Variants in PTDSS2 observed in about 807,000 individuals in gnomAD.
The protein encoded by PTDSS2 is PSS-2.
A neutral mutation model predicts 64.7 loss-of-function variants in PTDSS2; 41 were observed. That is an observed-to-expected ratio of 0.63 (90% CI 0.49 to 0.82). The LOEUF is 0.82. Among genes scored for constraint, PTDSS2 ranks in the 40% least tolerant of loss-of-function variants. PTDSS2 has a pLI of 0.00. For missense variants in PTDSS2, 485 were observed against 650.0 expected (o/e 0.75, Z 2.76); for synonymous variants, 297 against 277.8 (o/e 1.07, Z -0.69).
chr11:486,937 A>C lies in PTDSS2; in HGVS notation c.436-2A>C, dbSNP rs1848422147. ...CCGCTGACGGGGGCACTGGCCTTGC[A>C]GACTGTCCAGGACGGCCGGCAGTTT... is the stretch of plus-strand genomic sequence containing the variant. On this transcript the variant is annotated splice_acceptor_variant, in intron 4 of 11. Coordinates refer to ENST00000308020, the MANE Select transcript of PTDSS2 (RefSeq NM_030783.3). LOFTEE classifies it high-confidence loss of function. 1 of 1,608,420 alleles carries C rather than the reference A, an allele frequency of 6.2e-7. No individual in the cohort carries two copies. Among genetic ancestry groups the C allele is most frequent in the South Asian group, 1.1e-5 (1 of 90,286 alleles).
chr11:462,352 G>T lies in PTDSS2; in HGVS notation c.284+2064G>T, dbSNP rs1846930595. 1.3e-5 allele frequency among the ~76,000 whole-genome samples: 2 copies of T among 152,132 alleles called. No individual in the cohort carries two copies. Among genetic ancestry groups the T allele is most frequent in the Non-Finnish European group, 2.9e-5 (2 of 68,012 alleles). On this transcript the variant is annotated intron_variant, in intron 2 of 11. Coordinates refer to ENST00000308020, the MANE Select transcript of PTDSS2 (RefSeq NM_030783.3). This position sits in a 1 kb window ranked among gnomAD's most constrained non-coding sequence, Gnocchi z 4.5. ...GGGTTCTGCCATCCTGTCCTCTCCA[G>T]CAGGGAGCCCCTGCGTGTGTTCATT...
Position 489,672 on chromosome 11 carries a change from G to T in PTDSS2, c.1054G>T (p.Val352Phe). Residue 352 changes from valine to phenylalanine, a missense_variant, in exon 10 of 12, where the codon GTC becomes TTC. Physicochemically the swap from Val to Phe is conservative, Grantham distance 50 (BLOSUM62 -1). Transcript: ENST00000308020. Reference sequence around the variant, plus strand: ...GCACTACCTGGTCCTCCTGCGGCTCGTCTTCTTCGTGAACGTGGGTGGCGT... The same window carrying T: ...GCACTACCTGGTCCTCCTGCGGCTCTTCTTCTTCGTGAACGTGGGTGGCGT... ...PEHYLVLLRL[V>F]FFVNVGGVAM... 6.3e-7 allele frequency: 1 copy of T among 1,597,964 alleles called. No individual in the cohort carries two copies. Among genetic ancestry groups the T allele is most frequent in the African/African-American group, 1.3e-5 (1 of 74,644 alleles).
chr11:450,912 C>T (rs1846292203), intron 1 of PTDSS2, among the ~76,000 whole-genome samples: 1 of 151,842 alleles, frequency 6.6e-6, no homozygotes, highest in South Asian at 2.1e-4. Context: ...TCGCCGCCCT[C>T]CCCACCCCTG....
At chr11:486,177 T>C (rs1185684591) in intron 4 of PTDSS2, among the ~76,000 whole-genome samples, 1 of 152,134 alleles carries the variant, frequency 6.6e-6, no homozygotes, top group African/African-American at 2.4e-5. Context: ...CCCAAAAGCC[T>C]GCCTTGCCCT....
At chr11:469,505 C>G (rs1847317264) in intron 2 of PTDSS2, among the ~76,000 whole-genome samples, 1 of 151,202 alleles carries the variant, frequency 6.6e-6, no homozygotes, top group Non-Finnish European at 1.5e-5. Context: ...AGGGGAGTCT[C>G]TGGGTAATCG....
At position 460,108 on chromosome 11, in the gene PTDSS2, G is replaced by C; in HGVS notation, c.183-79G>C. 1 of 1,122,930 alleles carries C rather than the reference G, an allele frequency of 8.9e-7. No individual in the cohort carries two copies. Among genetic ancestry groups the C allele is most frequent in the Non-Finnish European group, 1.3e-6 (1 of 746,186 alleles). The allele number at this position is 1,122,930 out of a possible 1,614,324, so 69.6% of individuals were successfully genotyped here. On this transcript the variant is annotated intron_variant, in intron 1 of 11. Coordinates refer to ENST00000308020, the MANE Select transcript of PTDSS2 (RefSeq NM_030783.3). This position sits in a 1 kb window ranked among gnomAD's most constrained non-coding sequence, Gnocchi z 5.8. ...TTAAGCCCTCTCCTTGACGTAGAGA[G>C]GATTTGGGGCCTGTTACGTGAGTAT...
intron 4 of PTDSS2, among the ~76,000 whole-genome samples, chr11:484,896 G>T (rs1848243224): frequency 6.9e-6 from 1 of 144,626 alleles, no homozygotes; most frequent in African/African-American, 2.6e-5. Context: ...ACAGTGCACG[G>T]GCGTGTGTGT....
chr11:479,353 A>C lies in PTDSS2; in HGVS notation c.435+201A>C. On this transcript the variant is annotated intron_variant, in intron 4 of 11. Coordinates refer to ENST00000308020, the MANE Select transcript of PTDSS2 (RefSeq NM_030783.3). The surrounding 1 kb of genome is among the most constrained non-coding windows in gnomAD (Gnocchi z 4.2). The stretch of plus-strand genomic sequence containing the variant: ...GAGTGATGGGGGGCAGCAAAGCTAG[A>C]CCTTCAAAACGTAGGCCGAGCTGCG... 1 of 623,876 alleles carries C rather than the reference A, an allele frequency of 1.6e-6. No individual in the cohort carries two copies. The highest frequency in any genetic ancestry group is 1.8e-5 in the African/African-American group (1 of 54,248). 38.6% of individuals were successfully genotyped at this position (623,876 alleles called of 1,614,324 possible). A position where few individuals can be genotyped will look rare whatever the true frequency, so the allele number is the denominator to read the frequency against.
intron 1 of PTDSS2, chr11:451,315 C>T: frequency 2.4e-6 from 1 of 422,298 alleles, no homozygotes; most frequent in South Asian, 1.6e-5. Flanking sequence ...AGGAAGAGGC[C>T]CCCGGGAGCA....
chr11:454,746 G>A (rs7105294), intron 1 of PTDSS2, among the ~76,000 whole-genome samples: 34,429 of 151,910 alleles, frequency 0.23, 4,369 homozygotes, highest in African/African-American at 0.35. Context: ...CAGAGATCGC[G>A]CCAGTGTCCT....
At chr11:463,022 C>G (rs1289027409) in intron 2 of PTDSS2, 2 of 151,806 alleles carry the variant, frequency 1.3e-5, no homozygotes, top group East Asian at 4.0e-4. Flanking sequence ...CAAAAATTAG[C>G]CGGGCGCGGT....
At chr11:481,509 G>A (rs181069773) in intron 4 of PTDSS2, among the ~76,000 whole-genome samples, 90 of 152,252 alleles carry the variant, frequency 5.9e-4, no homozygotes, top group African/African-American at 2.0e-3. Flanking sequence ...CATTTATTTA[G>A]GTCTTTAATT....
chr11:465,010 G>T (rs1470283838), intron 2 of PTDSS2, among the ~76,000 whole-genome samples: 2 of 152,154 alleles, frequency 1.3e-5, no homozygotes, highest in African/African-American at 4.8e-5. Context: ...ACGACTGCAG[G>T]CAGCCGATCC....
Position 490,657 on chromosome 11 carries a change from G to C in PTDSS2, c.*75G>C. The stretch of plus-strand genomic sequence containing the variant: ...CCTCCTCCTGTGTGAGTCCCACCAG[G>C]AGCCACGTGCCCGGCCTTGCCCTCA... On this transcript the variant is annotated 3_prime_UTR_variant, in exon 12 of 12. Transcript: ENST00000308020. 1 of 1,435,116 alleles carries C rather than the reference G, an allele frequency of 7.0e-7. No homozygotes were observed. Among genetic ancestry groups the C allele is most frequent in the Non-Finnish European group, 9.3e-7 (1 of 1,069,864 alleles). The allele number at this position is 1,435,116 out of a possible 1,614,324, so 88.9% of individuals were successfully genotyped here. A position where few individuals can be genotyped will look rare whatever the true frequency, so the allele number is the denominator to read the frequency against.
rs145945837 is a variant in PTDSS2, at chr11:473,367, G to A, written c.285-528G>A. Among the ~76,000 whole-genome samples, 1,216 of 152,308 alleles carry A rather than the reference G, an allele frequency of 8.0e-3. 20 individuals carry two copies. The highest frequency in any genetic ancestry group is 0.028 in the African/African-American group (1,169 of 41,556). ...AGAGACACTTCCTGGGGGTCCTGCC[G>A]CGTTGGAGCAGGGAGGCAGTAGCTC... is the stretch of plus-strand genomic sequence containing the variant. On this transcript the variant is annotated intron_variant, in intron 2 of 11. Coordinates refer to ENST00000308020, the MANE Select transcript of PTDSS2 (RefSeq NM_030783.3).
rs114808954 is a variant in PTDSS2 at position 479,383 on chromosome 11, G to C, written c.435+231G>C. On this transcript the variant is annotated intron_variant, in intron 4 of 11. Transcript: ENST00000308020. The surrounding 1 kb of genome is among the most constrained non-coding windows in gnomAD (Gnocchi z 4.2). ...CAAAACGTAGGCCGAGCTGCGGGGG[G>C]CCTCCAGGAGCATCTGCTGGTGGGG... 4,302 of 593,382 alleles carry C rather than the reference G, an allele frequency of 7.2e-3. 142 individuals carry two copies. The highest frequency in any genetic ancestry group is 0.071 in the African/African-American group (3,768 of 52,764). 36.8% of individuals were successfully genotyped at this position (593,382 alleles called of 1,614,324 possible).
chr11:478,151 A>G (rs1847898902), intron 3 of PTDSS2, among the ~76,000 whole-genome samples: 1 of 152,222 alleles, frequency 6.6e-6, no homozygotes, highest in South Asian at 2.1e-4. Context: ...ACATGAAAAA[A>G]TTGATCCCCT....
intron 7 of PTDSS2, 73 bp from the exon 8 acceptor site, chr11:488,456 T>G: frequency 7.1e-7 from 1 of 1,405,484 alleles, no homozygotes; most frequent in Non-Finnish European, 1.0e-6. Flanking sequence ...GGTTCCCCTG[T>G]GCTCTTCCGG....
chr11:475,031 T>TTTGTGTGATACGGCCATATTCACGC (rs1847679653), intron 3 of PTDSS2, among the ~76,000 whole-genome samples: 2 of 69,444 alleles, frequency 2.9e-5, no homozygotes, highest in African/African-American at 5.8e-5. Context: ...CATATTCACG[T>TTTGTGTGATACGGCCATATTCACGC]GTTTGTGTGA....
Sources: gnomAD v4.1 joint callset for allele counts (sites outside exome capture counted in the v4.1 genomes callset) on GRCh38, gnomAD v4.1.1 for gene constraint, Gnocchi (gnomAD v3.1) non-coding constraint, MANE v1.5 for transcripts, NCBI Gene and HGNC (gene_info 2026-07-23, HGNC 2026-07-21) for gene names.